The following IFT122 variants were observed in gnomAD, a reference collection of about 807,000 sequenced individuals.
IFT122 encodes the protein intraflagellar transport 122.
In IFT122, 118 loss-of-function variants were observed where a neutral mutation model predicts 161.6. That is an observed-to-expected ratio of 0.73 (90% confidence interval 0.63 to 0.85). The LOEUF is 0.85. IFT122 is among the 40% of genes least tolerant of loss of function. IFT122 has a pLI of 0.00. For missense variants in IFT122, 1,381 were observed against 1,579.6 expected, an observed-to-expected ratio of 0.87 and a Z score of 2.13; for synonymous variants, 550 against 602.4, an observed-to-expected ratio of 0.91 and a Z score of 1.27.
Position 129,458,665 on chromosome 3 carries a change from T to C in IFT122, c.260T>C (p.Ile87Thr). The stretch of plus-strand genomic sequence containing the variant: ...ATCTGGACATCAAAACTGGAAGGCA[T>C]TCTGAAGTACACGTAAGTAACTTAG... ...VIIWTSKLEG[I>T]LKYTHNDAIQ... Residue 87 changes from isoleucine to threonine, a missense_variant, in exon 4 of 30, where the codon ATT becomes ACT. Ile to Thr is a moderately conservative substitution (Grantham distance 89, BLOSUM62 -1). Transcript: ENST00000348417. 6.2e-7 allele frequency: 1 copy of C among 1,612,536 alleles called. No homozygotes were observed. Among genetic ancestry groups the C allele is most frequent in the Non-Finnish European group, 8.5e-7 (1 of 1,178,490 alleles).
At chr3:129,514,753 C>T (rs1021369067) in intron 25 of IFT122, 199 bp downstream of exon 25, 8 of 687,930 alleles carry the variant, frequency 1.2e-5, no homozygotes, top group Admixed American at 4.3e-5. Context: ...GTCCACCTGG[C>T]GCCCGCTCAC....
At chr3:129,449,358 GA>G (rs111388105) in intron 1 of IFT122, among the ~76,000 whole-genome samples, 2 of 150,950 alleles carry the variant, frequency 1.3e-5, no homozygotes, top group Admixed American at 6.6e-5. Context: ...GAGAAAATGT[GA>G]AAAAAAAATG....
rs1462315131 is a variant in IFT122 at position 129,484,021 on chromosome 3, C to T, written c.1851+339C>T. The T allele has an allele frequency of 5.1e-5, 20 of 394,818 alleles. No homozygotes were observed. The East Asian group carries it at 1.2e-3, about 24-fold the overall frequency. The allele number at this position is 394,818 out of a possible 1,614,324, so 24.5% of individuals were successfully genotyped here. On this transcript the variant is annotated intron_variant, in intron 15 of 29. Transcript: ENST00000348417. ...GTGAGCAGCAAAGCCGGGAGTCCGG[C>T]AGGGTGTGTGTGTGAGTACGTGTGT...
At chr3:129,517,194 TACACACACACACAGACTGCCCCTGC>T (rs2084014874) in intron 26 of IFT122, among the ~76,000 whole-genome samples, 1 of 73,822 alleles carries the variant, frequency 1.4e-5, no homozygotes, top group Non-Finnish European at 2.8e-5. Context: ...AGACTGCCCC[TACACACACACACAGACTGCCCCTGC>T]ACACACACAC....
intron 1 of IFT122, among the ~76,000 whole-genome samples, chr3:129,444,760 T>A (rs2073774644): frequency 6.6e-6 from 1 of 152,158 alleles, no homozygotes; most frequent in African/African-American, 2.4e-5. Context: ...GACCTCGTGA[T>A]CTGCCTGCCT....
chr3:129,462,488 G>T (rs532948066), intron 5 of IFT122, among the ~76,000 whole-genome samples: 1 of 152,304 alleles, frequency 6.6e-6, no homozygotes, highest in South Asian at 2.1e-4. Context: ...AGGAACCAGG[G>T]CTTGGACTTT....
intron 8 of IFT122, among the ~76,000 whole-genome samples, chr3:129,468,474 A>T (rs2077033820): frequency 6.6e-6 from 1 of 152,032 alleles, no homozygotes; most frequent in African/African-American, 2.4e-5. Context: ...CCTCTGGAAT[A>T]GCTGGGATTA....
intron 17 of IFT122, among the ~76,000 whole-genome samples, chr3:129,494,843 C>T (rs2080647048): frequency 6.6e-6 from 1 of 152,186 alleles, no homozygotes; most frequent in Non-Finnish European, 1.5e-5. Context: ...CAGCGTCCTT[C>T]ACTCTAACAC....
chr3:129,510,093 C>G (rs1207932736), intron 23 of IFT122, among the ~76,000 whole-genome samples: 3 of 152,158 alleles, frequency 2.0e-5, no homozygotes, highest in Non-Finnish European at 2.9e-5. Flanking sequence ...GAGATGAGGT[C>G]TCTGTCGCCC....
chr3:129,506,409 C>T lies in IFT122; in HGVS notation c.2651C>T (p.Ala884Val), dbSNP rs766835006. 17 of 1,613,694 alleles carry T rather than the reference C, an allele frequency of 1.1e-5. No homozygotes were observed. The East Asian group carries it at 1.3e-4, about 13-fold the overall frequency. Residue 884 changes from alanine (A) to valine (V), a missense_variant and splice_region_variant, in exon 22 of 30, where the codon GCG (alanine) becomes GTG (valine). Physicochemically the swap from Ala to Val is moderately conservative, Grantham distance 64. Around this residue, in one of 7 missense-constraint regions of IFT122, gnomAD observed 496 missense variants for 502.5 expected, o/e 0.99. Coordinates refer to ENST00000348417, the MANE Select transcript of IFT122 (RefSeq NM_052989.3). ...ENDRFEEAQKAFHKAGRQREA... is the reference protein window; with the variant it reads ...ENDRFEEAQKVFHKAGRQREA... ...TTTCCTCCCTCCACCACTCCTACAGCGTTCCACAAGGCTGGGCGACAGAGA... is the reference window on the plus strand; with the variant it reads ...TTTCCTCCCTCCACCACTCCTACAGTGTTCCACAAGGCTGGGCGACAGAGA...
chr3:129,455,083 C>T (rs2075311178), intron 3 of IFT122, among the ~76,000 whole-genome samples: 2 of 152,024 alleles, frequency 1.3e-5, no homozygotes, highest in Admixed American at 6.6e-5. Flanking sequence ...TGGTTTTTTC[C>T]TCTTAGACCT....
rs1179775608 is a variant in IFT122, at chr3:129,476,753, G to T, written c.1099G>T (p.Asp367Tyr). ...TTACAAGGACCGCTATGCCTACAGG[G>T]ATAGCATGACTGACGTCATTGTGCA... The part of the protein sequence containing the change: ...GLYKDRYAYR[D>Y]SMTDVIVQHL... The change falls in exon 11 of 30, where the codon GAT (aspartate) becomes TAT (tyrosine). Residue 367 changes from aspartate to tyrosine, a missense_variant. Transcript: ENST00000348417. 1 of 1,613,956 alleles carries T rather than the reference G, an allele frequency of 6.2e-7. No individual in the cohort carries two copies. Among genetic ancestry groups the T allele is most frequent in the Non-Finnish European group, 8.5e-7 (1 of 1,179,940 alleles).
chr3:129,467,297 A>G (rs1423126779), intron 8 of IFT122, among the ~76,000 whole-genome samples: 6 of 148,220 alleles, frequency 4.0e-5, no homozygotes, highest in African/African-American at 1.0e-4. Context: ...AGAAAGTTCA[A>G]CTTTTCTGAT....
chr3:129,468,439 G>A (rs2077028696), intron 8 of IFT122, among the ~76,000 whole-genome samples: 1 of 152,128 alleles, frequency 6.6e-6, no homozygotes, highest in Non-Finnish European at 1.5e-5. Flanking sequence ...CGCCTCCCGG[G>A]TTCTAAGCGA....
intron 21 of IFT122, among the ~76,000 whole-genome samples, chr3:129,505,510 GT>G (rs2108572822): frequency 6.6e-6 from 1 of 152,340 alleles, no homozygotes; most frequent in South Asian, 2.1e-4. Flanking sequence ...CTATCCATCT[GT>G]CTGTGTCTGC....
intron 20 of IFT122, 87 bp downstream of exon 20, chr3:129,502,969 G>C (rs2108547959): frequency 7.6e-7 from 1 of 1,316,508 alleles, no homozygotes; most frequent in Non-Finnish European, 1.1e-6. Flanking sequence ...TTGGGGTTCA[G>C]ATGGAGAGAA....
chr3:129,507,528 C>G (rs983449612), intron 22 of IFT122, 140 bp from the exon 23 acceptor site: 2 of 756,746 alleles, frequency 2.6e-6, no homozygotes, highest in Non-Finnish European at 4.8e-6. Context: ...ACACTTTGTC[C>G]CTCACCCTGG....
chr3:129,446,466 C>T (rs1358652699), intron 1 of IFT122, among the ~76,000 whole-genome samples: 3 of 152,238 alleles, frequency 2.0e-5, no homozygotes, highest in East Asian at 3.9e-4. Flanking sequence ...CCACCCACCT[C>T]GGCCTCCCAA....
At chr3:129,514,589 C>G (rs2083247921) in intron 25 of IFT122, 35 bp downstream of exon 25, 1 of 1,613,104 alleles carries the variant, frequency 6.2e-7, no homozygotes, top group Non-Finnish European at 8.5e-7. Context: ...GGTGGCTTCT[C>G]CTCTCCCTTG....
Sources: gnomAD v4.1 joint callset for allele counts (sites outside exome capture counted in the v4.1 genomes callset) on GRCh38, gnomAD v4.1.1 for gene constraint, gnomAD v4.1.1 regional missense constraint, MANE v1.5 for transcripts, NCBI Gene and HGNC (gene_info 2026-07-23, HGNC 2026-07-21) for gene names.